Variants in ASNS observed in about 807,000 individuals in gnomAD.
The protein encoded by ASNS is asparagine synthetase [glutamine-hydrolyzing].
A neutral mutation model predicts 62.6 loss-of-function variants in ASNS; 37 were observed. The observed-to-expected ratio is 0.59, with a 90% confidence interval of 0.45 to 0.78. The LOEUF (loss-of-function observed/expected upper bound fraction) is 0.78. Among genes scored for constraint, ASNS ranks in the 30% least tolerant of loss-of-function variants. The probability of loss-of-function intolerance (pLI) is 0.00; values close to 1 mark genes in which losing one functional copy is unlikely to be tolerated. For missense variants in ASNS, 520 were observed against 682.4 expected (o/e 0.76, Z 2.65); for synonymous variants, 207 against 237.9 (o/e 0.87, Z 1.19).
chr7:97,919,967 A>G, the ASNS span, among the ~76,000 whole-genome samples: 1 of 151,114 alleles, frequency 6.6e-6, no homozygotes, highest in African/African-American at 2.4e-5. Context: ...GGTCCTGGCT[A>G]CTGCCCCACA....
At chr7:97,862,449 G>C (rs982847411) in intron 4 of ASNS, among the ~76,000 whole-genome samples, 2 of 152,164 alleles carry the variant, frequency 1.3e-5, no homozygotes, top group African/African-American at 4.8e-5. Context: ...TGACTGGGGG[G>C]TTAGGAGGAA....
the ASNS span, among the ~76,000 whole-genome samples, chr7:97,896,739 C>CATATATATATATATATATATATATAT: frequency 4.4e-4 from 14 of 31,982 alleles, no homozygotes; most frequent in Admixed American, 1.8e-3. Context: ...CACACACACA[C>CATATATATATATATATATATATATAT]ACATATATAT....
At chr7:97,890,741 C>T in the ASNS span, among the ~76,000 whole-genome samples, 1 of 151,594 alleles carries the variant, frequency 6.6e-6, no homozygotes, top group African/African-American at 2.4e-5. Flanking sequence ...AGTGAGACTC[C>T]ATTGCTAAAA....
At chr7:97,909,404 G>T in the ASNS span, among the ~76,000 whole-genome samples, 1 of 147,608 alleles carries the variant, frequency 6.8e-6, no homozygotes, top group Admixed American at 7.0e-5. Flanking sequence ...CACCTCCCAG[G>T]TTCAAGTGAT....
At chr7:97,916,056 A>G in the ASNS span, among the ~76,000 whole-genome samples, 37 of 146,694 alleles carry the variant, frequency 2.5e-4, no homozygotes, top group African/African-American at 7.2e-4. Context: ...ACAGAGTCCT[A>G]GATGCTTGAA....
chr7:97,901,438 C>T, the ASNS span, among the ~76,000 whole-genome samples: 2 of 152,174 alleles, frequency 1.3e-5, no homozygotes, highest in African/African-American at 4.8e-5. Flanking sequence ...AGTGATCCGC[C>T]TGCCTTGGCC....
At chr7:97,919,846 A>G in the ASNS span, among the ~76,000 whole-genome samples, 1 of 151,200 alleles carries the variant, frequency 6.6e-6, no homozygotes, top group Non-Finnish European at 1.5e-5. Context: ...AGGAAAAGGA[A>G]AGCAAGGAAA....
the ASNS span, chr7:97,906,963 T>TC: frequency 6.6e-6 from 1 of 152,188 alleles, no homozygotes; most frequent in South Asian, 2.1e-4. Flanking sequence ...TGGATGAGGC[T>TC]CACCCACATT....
Position 97,853,319 on chromosome 7 carries a change from T to C in ASNS, c.1306A>G (p.Met436Val). 6.2e-7 allele frequency: 1 copy of C among 1,613,860 alleles called. No homozygotes were observed. Among genetic ancestry groups the C allele is most frequent in the Non-Finnish European group, 8.5e-7 (1 of 1,179,924 alleles). The change falls in exon 11 of 13, where the codon ATG (methionine) becomes GTG (valine). Residue 436 changes from methionine (M) to valine (V), a missense_variant. By Grantham distance (21) the Met-to-Val change is conservative. Transcript: ENST00000394308. Reference sequence around the variant, plus strand: ...GATTTACCTACCTTTGGAATTCTCATTTCTGGTGGCAGAGACAAGTAATAG... The same window carrying C: ...GATTTACCTACCTTTGGAATTCTCACTTCTGGTGGCAGAGACAAGTAATAG... ...SSYYLSLPPE[M>V]RIPKNGIEKH...
At chr7:97,887,343 C>T in the ASNS span, among the ~76,000 whole-genome samples, 78 of 152,284 alleles carry the variant, frequency 5.1e-4, no homozygotes, top group African/African-American at 1.7e-3. Flanking sequence ...CCAATACTTA[C>T]TTAATTGTAT....
Position 97,854,584 on chromosome 7 carries a change from G to A in ASNS, c.1234C>T (p.His412Tyr). Residue 412 changes from histidine (H) to tyrosine (Y), a missense_variant, in exon 10 of 13, where the codon CAT becomes TAT. Coordinates refer to ENST00000394308, the MANE Select transcript of ASNS (RefSeq NM_001673.5). Reference protein sequence around the residue: ...VLRADRTTAAHGLELRVPFLD... With the variant: ...VLRADRTTAAYGLELRVPFLD... ...AATAGCCTCTAAAAATATTACCCAT[G>A]GGCAGCAGTAGTTCGATCTGCGCGG... 6.2e-7 allele frequency: 1 copy of A among 1,612,366 alleles called. No individual in the cohort carries two copies. Among genetic ancestry groups the A allele is most frequent in the Non-Finnish European group, 8.5e-7 (1 of 1,179,530 alleles).
chr7:97,927,387 C>A, the ASNS span, among the ~76,000 whole-genome samples: 2 of 152,238 alleles, frequency 1.3e-5, no homozygotes, highest in African/African-American at 4.8e-5. Context: ...AGTAACAACC[C>A]CAGGCAATGG....
At chr7:97,897,115 G>A in the ASNS span, among the ~76,000 whole-genome samples, 7 of 151,978 alleles carry the variant, frequency 4.6e-5, no homozygotes, top group East Asian at 7.7e-4. Flanking sequence ...AGATTGTATC[G>A]CTAACACTTA....
chr7:97,912,093 C>T, the ASNS span, among the ~76,000 whole-genome samples: 129,726 of 152,032 alleles, frequency 0.85, 55,423 homozygotes, highest in East Asian at 0.91. Flanking sequence ...GATGCTGGGA[C>T]TCCTCCCGCA....
the ASNS span, among the ~76,000 whole-genome samples, chr7:97,893,481 C>T: frequency 2.0e-5 from 3 of 152,242 alleles, no homozygotes; most frequent in Non-Finnish European, 4.4e-5. Context: ...CTACAAGAAA[C>T]TCACTTCACT....
Position 97,858,879 on chromosome 7 carries a change from G to A in ASNS, c.750C>T (p.Asp250=). The A allele has an allele frequency of 6.2e-7, 1 of 1,612,972 alleles. No individual in the cohort carries two copies. Among genetic ancestry groups the A allele is most frequent in the South Asian group, 1.1e-5 (1 of 90,644 alleles). ...NNAVKKRLMT[D]RRIGCLLSGG... ...CTGATAAAAGGCAGCCAATCCTTCT[G>A]TCTGTCATCAAACGTTTCTTTACAG... Residue 250 remains aspartate, a synonymous_variant, in exon 6 of 13, where the codon GAC becomes GAT. Coordinates refer to ENST00000394308, the MANE Select transcript of ASNS (RefSeq NM_001673.5).
chr7:97,876,077 G>A (rs1256449666), upstream of ASNS, among the ~76,000 whole-genome samples: 3 of 152,100 alleles, frequency 2.0e-5, no homozygotes, highest in African/African-American at 7.2e-5. Context: ...GGTTGGTCTG[G>A]AACTCCTGAC....
At chr7:97,898,708 A>G in the ASNS span, 1 of 653,468 alleles carries the variant, frequency 1.5e-6, no homozygotes, top group Non-Finnish European at 2.8e-6. Flanking sequence ...AACCAACACA[A>G]AACAGATGAA....
At chr7:97,912,802 A>G in the ASNS span, among the ~76,000 whole-genome samples, 127,784 of 150,218 alleles carry the variant, frequency 0.85, 54,427 homozygotes, top group East Asian at 0.91. Flanking sequence ...GGCTGGTATC[A>G]AACTCCTGGC....
Sources: allele counts gnomAD v4.1 joint callset (sites outside exome capture counted in the v4.1 genomes callset), GRCh38; gene constraint gnomAD v4.1.1; transcripts MANE v1.5; gene names NCBI Gene and HGNC (gene_info 2026-07-23, HGNC 2026-07-21).